Variants in NOX1 observed in about 807,000 individuals in gnomAD.
The protein encoded by NOX1 is NADPH oxidase 1.
NOX1 carries 34 observed loss-of-function variants against 42.5 expected under a neutral mutation model. The ratio of observed to expected loss-of-function variants is 0.80; its 90% CI spans 0.61 to 1.07. NOX1 has a LOEUF of 1.07. NOX1 is among the 50% of genes least tolerant of loss of function. The pLI is 0.00. For synonymous variants in NOX1, 143 were observed against 152.5 expected (o/e 0.94, Z 0.46); for missense variants, 408 against 427.0 (o/e 0.96, Z 0.39).
intron 4 of NOX1, 86 bp from the exon 5 acceptor site, chrX:100,862,906 A>C: frequency 2.2e-6 from 2 of 895,447 alleles, no homozygotes; most frequent in Non-Finnish European, 3.2e-6. Context: ...AGAATCCTAC[A>C]TTATAGTGCT....
At chrX:100,852,010 G>A (rs1323883676) in intron 7 of NOX1, among the ~76,000 whole-genome samples, 1 of 112,514 alleles carries the variant, frequency 8.9e-6, no homozygotes, top group Non-Finnish European at 1.9e-5. Flanking sequence ...AAGTAGATGT[G>A]AAATAGAGGC....
At chrX:100,858,829 G>T (rs750549384) in intron 7 of NOX1, among the ~76,000 whole-genome samples, 89 of 111,097 alleles carry the variant, frequency 8.0e-4, no homozygotes, top group Admixed American at 2.1e-3. Flanking sequence ...AGGAGCTTTT[G>T]GACATAGACT....
intron 2 of NOX1, among the ~76,000 whole-genome samples, chrX:100,867,374 C>T (rs2085245682): frequency 8.9e-6 from 1 of 112,660 alleles, no homozygotes; most frequent in Admixed American, 9.4e-5. Context: ...CTTATCTGCT[C>T]TACTTCATAG....
At chrX:100,865,704 G>A (rs1213756955) in intron 2 of NOX1, among the ~76,000 whole-genome samples, 1 of 112,751 alleles carries the variant, frequency 8.9e-6, no homozygotes, top group Non-Finnish European at 1.9e-5. Flanking sequence ...ATGCAGTGAT[G>A]GTAAATGTTT....
intron 11 of NOX1, 85 bp from the exon 12 acceptor site, chrX:100,848,839 G>A (rs1312884586): frequency 1.0e-6 from 1 of 983,945 alleles, no homozygotes; most frequent in African/African-American, 1.9e-5. Flanking sequence ...ACTTTGGGAG[G>A]CCGAGGTGGG....
At chrX:100,847,990 T>G (rs1237387722) in intron 12 of NOX1, among the ~76,000 whole-genome samples, 1 of 110,457 alleles carries the variant, frequency 9.1e-6, no homozygotes, top group Non-Finnish European at 1.9e-5. Context: ...TAAGTAGAGA[T>G]TATTGAGTCC....
rs935127592 is a variant in NOX1 at position 100,843,451 on chromosome X, G to T, written c.*501C>A. 9.0e-7 allele frequency: 1 copy of T among 1,105,185 alleles called. No individual in the cohort carries two copies. Among genetic ancestry groups the T allele is most frequent in the Non-Finnish European group, 1.2e-6 (1 of 849,175 alleles). The allele number at this position is 1,105,185 out of a possible 1,213,427, so 91.1% of individuals were successfully genotyped here. A position where few individuals can be genotyped will look rare whatever the true frequency, so the allele number is the denominator to read the frequency against. Reference sequence around the variant, plus strand: ...CACTGTTGGTGTTATATGGGGATGGGGTTCTCGGTAATTTTGTTTATTATT... The same window carrying T: ...CACTGTTGGTGTTATATGGGGATGGTGTTCTCGGTAATTTTGTTTATTATT... On this transcript the variant is annotated 3_prime_UTR_variant, in exon 13 of 13. Transcript: ENST00000372966.
chrX:100,858,995 T>C (rs1218153066), intron 7 of NOX1, among the ~76,000 whole-genome samples: 2 of 111,787 alleles, frequency 1.8e-5, no homozygotes, highest in African/African-American at 6.5e-5. Flanking sequence ...AGAGAATGCA[T>C]CCTTGTCTTT....
rs756408413 is a variant in NOX1, at chrX:100,843,806, A to T, written c.*146T>A. The T allele has an allele frequency of 3.6e-5, 17 of 465,789 alleles. No individual in the cohort carries two copies. The highest frequency in any genetic ancestry group is 5.0e-5 in the Non-Finnish European group (14 of 281,426). 38.4% of individuals were successfully genotyped at this position (465,789 alleles called of 1,213,427 possible). ...TGCTGAAGCTCAAGTAACGAAGTTG[A>T]ATGCAATCAAAAAAAGAATACCAGG... On this transcript the variant is annotated 3_prime_UTR_variant, in exon 13 of 13. Coordinates refer to ENST00000372966, the MANE Select transcript of NOX1 (RefSeq NM_007052.5).
At chrX:100,871,416 A>G (rs2085273929) in intron 1 of NOX1, among the ~76,000 whole-genome samples, 1 of 112,640 alleles carries the variant, frequency 8.9e-6, no homozygotes, top group South Asian at 3.7e-4. Flanking sequence ...TGGATATCTG[A>G]AGAAACAAAG....
At position 100,843,417 on chromosome X, in the gene NOX1, A is replaced by C. The variant is rs775996017; in HGVS notation, c.*535T>G. 30 of 1,142,082 alleles carry C rather than the reference A, an allele frequency of 2.6e-5. No individual in the cohort carries two copies. The highest frequency in any genetic ancestry group is 2.6e-4 in the Middle Eastern group (1 of 3,825). The allele number at this position is 1,142,082 out of a possible 1,213,427, so 94.1% of individuals were successfully genotyped here. A position where few individuals can be genotyped will look rare whatever the true frequency, so the allele number is the denominator to read the frequency against. ...ATAAGACCATATCAAAAGTGACAGTAAACATGTACACTGTTGGTGTTATAT... is the reference window on the plus strand; with the variant it reads ...ATAAGACCATATCAAAAGTGACAGTCAACATGTACACTGTTGGTGTTATAT... On this transcript the variant is annotated 3_prime_UTR_variant, in exon 13 of 13. Coordinates refer to ENST00000372966, the MANE Select transcript of NOX1 (RefSeq NM_007052.5).
intron 7 of NOX1, chrX:100,855,155 T>C (rs1260879122): frequency 3.0e-5 from 12 of 397,656 alleles, no homozygotes; most frequent in South Asian, 3.0e-4. Context: ...TGAGTATTTG[T>C]ATAAAACATG....
chrX:100,853,320 T>TTCTC (rs578033733), intron 7 of NOX1, among the ~76,000 whole-genome samples: 1 of 31,830 alleles, frequency 3.1e-5, no homozygotes, highest in African/African-American at 1.6e-4. Context: ...CTTTCTTTCT[T>TTCTC]TCTCTCTCTT....
chrX:100,867,045 A>T (rs1403155232), intron 2 of NOX1, among the ~76,000 whole-genome samples: 1 of 111,478 alleles, frequency 9.0e-6, no homozygotes, highest in East Asian at 2.8e-4. Context: ...TTATGTATTT[A>T]TTTTTGAGAC....
At chrX:100,853,288 T>TTCTTTCTCTCTCTTTC (rs2085133529) in intron 7 of NOX1, among the ~76,000 whole-genome samples, 1 of 69,664 alleles carries the variant, frequency 1.4e-5, no homozygotes, top group African/African-American at 6.7e-5. Flanking sequence ...CTTTCTTTCT[T>TTCTTTCTCTCTCTTTC]TCTTTCTTTC....
At chrX:100,866,221 CAA>C (rs34462542) in intron 2 of NOX1, among the ~76,000 whole-genome samples, 8 of 72,746 alleles carry the variant, frequency 1.1e-4, no homozygotes, top group Admixed American at 1.7e-4. Flanking sequence ...GACTCCATCT[CAA>C]AAAAAAAAAA....
intron 7 of NOX1, among the ~76,000 whole-genome samples, chrX:100,852,417 C>T (rs1390053006): frequency 2.7e-5 from 3 of 111,726 alleles, no homozygotes; most frequent in Non-Finnish European, 3.8e-5. Flanking sequence ...GAGCCCAGGT[C>T]GCGCCACTGC....
chrX:100,847,011 AACCC>A (rs1459538068), intron 12 of NOX1, among the ~76,000 whole-genome samples: 1 of 111,742 alleles, frequency 8.9e-6, no homozygotes, highest in African/African-American at 3.3e-5. Flanking sequence ...AATATGGCGA[AACCC>A]CATCTCTACT....
chrX:100,870,845 T>A, intron 1 of NOX1, 31 bp from the exon 2 acceptor site: 2 of 940,940 alleles, frequency 2.1e-6, no homozygotes, highest in East Asian at 3.1e-5. Context: ...ATGCAAAGAA[T>A]AAAGTGAAAT....
Sources: gnomAD v4.1 joint callset for allele counts (sites outside exome capture counted in the v4.1 genomes callset) on GRCh38, gnomAD v4.1.1 for gene constraint, MANE v1.5 for transcripts, NCBI Gene and HGNC (gene_info 2026-07-23, HGNC 2026-07-21) for gene names.